Variants in CUX1 observed in about 807,000 individuals in gnomAD.
CUX1 encodes the protein cut like homeobox 1.
CUX1 carries 31 observed loss-of-function variants against 158.8 expected under a neutral mutation model. That is an observed-to-expected ratio of 0.20 (90% CI 0.15 to 0.26). CUX1 has a LOEUF of 0.26. CUX1 is among the 10% of genes least tolerant of loss of function. The pLI is 1.00. For synonymous variants in CUX1, 879 were observed against 862.1 expected, an observed-to-expected ratio of 1.02 and a Z score of -0.34; for missense variants, 1,589 against 2,014.6, an observed-to-expected ratio of 0.79 and a Z score of 4.04.
At chr7:102,229,249 CTG>C (rs1254654855) in intron 21 of CUX1, among the ~76,000 whole-genome samples, 1 of 151,736 alleles carries the variant, frequency 6.6e-6, no homozygotes, top group Non-Finnish European at 1.5e-5. Flanking sequence ...TGTCTGTGCT[CTG>C]TGTCACTGGT....
intron 2 of CUX1, among the ~76,000 whole-genome samples, chr7:101,955,040 G>A (rs1809587877): frequency 6.6e-6 from 1 of 152,030 alleles, no homozygotes; most frequent in Non-Finnish European, 1.5e-5. Context: ...GCCTGGTGGT[G>A]CACACCTGTA....
Position 102,216,686 on chromosome 7 carries a change from C to CA in CUX1, c.3131-10681_3131-10680insA, listed in dbSNP as rs1554524910. Among the ~76,000 whole-genome samples, 18 of 32,472 alleles carry CA rather than the reference C, an allele frequency of 5.5e-4. No homozygotes were observed. The East Asian group carries it at 0.046, about 83-fold the overall frequency. The allele number at this position is 32,472 out of a possible 152,430, so 21.3% of individuals were successfully genotyped here. On this transcript the variant is annotated intron_variant, in intron 20 of 23. Coordinates refer to ENST00000292535, the MANE Select transcript of CUX1 (RefSeq NM_181552.4). ...ACACACACTCACACACACACACTCC[C>CA]CCACACACACTCCCACACGCACTCT...
intron 2 of CUX1, among the ~76,000 whole-genome samples, chr7:101,973,216 G>A (rs915023435): frequency 2.0e-5 from 3 of 152,234 alleles, no homozygotes; most frequent in African/African-American, 7.2e-5. Flanking sequence ...GATTTTTCTT[G>A]TAGATTTTGC....
intron 4 of CUX1, among the ~76,000 whole-genome samples, chr7:102,073,161 C>CTTTCT (rs1826325117): frequency 2.1e-5 from 1 of 47,082 alleles, no homozygotes; most frequent in South Asian, 7.2e-4. Flanking sequence ...AATCTCTTTT[C>CTTTCT]TTTCTTTTTT....
At chr7:102,203,036 G>A (rs1226878934) in intron 18 of CUX1, among the ~76,000 whole-genome samples, 1 of 151,960 alleles carries the variant, frequency 6.6e-6, no homozygotes, top group African/African-American at 2.4e-5. Context: ...ACGCTATCTC[G>A]GCTCACTGCA....
chr7:102,200,582 C>G (rs2132021517), intron 17 of CUX1, among the ~76,000 whole-genome samples: 1 of 152,242 alleles, frequency 6.6e-6, no homozygotes, highest in South Asian at 2.1e-4. Flanking sequence ...CTCCAGTGAT[C>G]CTCCCACCTC....
At position 101,932,607 on chromosome 7, in the gene CUX1, G is replaced by A. The variant is rs1290783811; in HGVS notation, c.141+16382G>A. On this transcript the variant is annotated intron_variant, in intron 2 of 23. Transcript: ENST00000292535. ...AAATGAAGATTTCGGCCTGGTTGAT[G>A]TGTGCTCGGGGAAAGGTGATAGCTT... 1.8e-5 allele frequency: 8 copies of A among 455,646 alleles called. No homozygotes were observed. The Middle Eastern group carries it at 2.3e-3, about 129-fold the overall frequency. The allele number at this position is 455,646 out of a possible 1,614,324, so 28.2% of individuals were successfully genotyped here.
At chr7:101,844,435 G>A (rs1375437558) in intron 1 of CUX1, among the ~76,000 whole-genome samples, 3 of 152,098 alleles carry the variant, frequency 2.0e-5, no homozygotes, top group Non-Finnish European at 4.4e-5. Context: ...ATGTAAAATT[G>A]TAGGTCAAAA....
At chr7:102,272,388 C>A (rs987398590) in intron 14 of CUX1, among the ~76,000 whole-genome samples, 1 of 152,264 alleles carries the variant, frequency 6.6e-6, no homozygotes, top group South Asian at 2.1e-4. Flanking sequence ...TTGTGCATTT[C>A]TGAGGCCACA....
intron 4 of CUX1, among the ~76,000 whole-genome samples, chr7:102,085,437 G>C (rs1393335251): frequency 3.9e-5 from 6 of 152,116 alleles, no homozygotes; most frequent in Admixed American, 3.3e-4. Context: ...TGAATCATGG[G>C]GGTGGTTATC....
At chr7:102,016,042 T>C (rs1290124865) in intron 2 of CUX1, among the ~76,000 whole-genome samples, 1 of 152,066 alleles carries the variant, frequency 6.6e-6, no homozygotes, top group East Asian at 1.9e-4. Flanking sequence ...CTCGACCTCC[T>C]AGGCTCAAGC....
chr7:102,084,718 C>T lies in CUX1; in HGVS notation c.269-12646C>T, dbSNP rs1167350382. ...GATTACAGGTGTGAGCCAACGCACC[C>T]GGCCACAATATATACTTTATTGATG... On this transcript the variant is annotated intron_variant, in intron 4 of 23. Transcript: ENST00000292535. Among the ~76,000 whole-genome samples the T allele has an allele frequency of 1.7e-5, 2 of 117,142 alleles. 1 individual carries two copies. Among genetic ancestry groups the T allele is most frequent in the Non-Finnish European group, 4.4e-5 (2 of 45,738 alleles). The allele number at this position is 117,142 out of a possible 152,430, so 76.8% of individuals were successfully genotyped here. A position where few individuals can be genotyped will look rare whatever the true frequency, so the allele number is the denominator to read the frequency against.
rs1791950235 is a variant in CUX1, at chr7:102,280,121, G to A, written c.1764+1G>A. 4 of 1,604,794 alleles carry A rather than the reference G, an allele frequency of 2.5e-6. No homozygotes were observed. The highest frequency in any genetic ancestry group is 2.6e-6 in the Non-Finnish European group (3 of 1,175,140). On this transcript the variant is annotated splice_donor_variant, in intron 19 of 22. Transcript: ENST00000292538. LOFTEE classifies it high-confidence loss of function. ...CCCCTTCTCCTCCTTCAGCAAGCGG[G>A]TTCGTGAGCCCAGCCTGGGCAGGGG...
intron 2 of CUX1, among the ~76,000 whole-genome samples, chr7:101,984,123 TATATATACACAC>T (rs1370823727): frequency 1.9e-4 from 8 of 42,062 alleles, no homozygotes; most frequent in African/African-American, 5.9e-4. Flanking sequence ...TATATATATA[TATATATACACAC>T]ACACATATAT....
chr7:102,008,414 C>T (rs1211485609), intron 2 of CUX1, among the ~76,000 whole-genome samples: 1 of 152,050 alleles, frequency 6.6e-6, no homozygotes, highest in Admixed American at 6.6e-5. Flanking sequence ...TGCCCCCAGC[C>T]CAGCAAAGAG....
chr7:101,916,353 C>A lies in CUX1; in HGVS notation c.141+128C>A. On this transcript the variant is annotated intron_variant, in intron 2 of 23. Coordinates refer to ENST00000292535, the MANE Select transcript of CUX1 (RefSeq NM_181552.4). This position sits in a 1 kb window ranked among gnomAD's most constrained non-coding sequence, Gnocchi z 4.4. ...CGGCCGGCAAACAACCCGTTTCTTT[C>A]CCCAGATGTCTTCAGCCCCATTTCC... 1.6e-6 allele frequency: 1 copy of A among 632,290 alleles called. No individual in the cohort carries two copies. Among genetic ancestry groups the A allele is most frequent in the African/African-American group, 1.8e-5 (1 of 55,424 alleles). 39.2% of individuals were successfully genotyped at this position (632,290 alleles called of 1,614,324 possible). A position where few individuals can be genotyped will look rare whatever the true frequency, so the allele number is the denominator to read the frequency against.
chr7:102,255,711 G>A lies in CUX1; in HGVS notation c.*6669G>A, dbSNP rs1051529447. 2.4e-4 allele frequency: 233 copies of A among 985,264 alleles called. No homozygotes were observed. Among genetic ancestry groups the A allele is most frequent in the Non-Finnish European group, 2.2e-4 (184 of 829,920 alleles). 61.0% of individuals were successfully genotyped at this position (985,264 alleles called of 1,614,324 possible). On this transcript the variant is annotated 3_prime_UTR_variant, in exon 24 of 24. Transcript: ENST00000292535. ...AATTAATCAGAAGCACAGTGTGTAC[G>A]GAAGCATTGGGACTTCTGCTGGTGA...
At position 102,178,720 on chromosome 7, in the gene CUX1, GCA is replaced by G. The variant is rs367855982; in HGVS notation, c.1017+73_1017+74del. On this transcript the variant is annotated intron_variant, in intron 11 of 23. Transcript: ENST00000292535. ...GCAGGGCGGATGGCTGGACACACGC[GCA>G]CACACACACCCTCTGCCTTTCTGGA... 10 of 1,452,930 alleles carry G rather than the reference GCA, an allele frequency of 6.9e-6. No individual in the cohort carries two copies. In the East Asian group the frequency reaches 9.9e-5, roughly 14 times the overall value. 90.0% of individuals were successfully genotyped at this position (1,452,930 alleles called of 1,614,324 possible). A position where few individuals can be genotyped will look rare whatever the true frequency, so the allele number is the denominator to read the frequency against.
intron 9 of CUX1, among the ~76,000 whole-genome samples, chr7:102,164,408 G>A (rs948516563): frequency 3.3e-5 from 5 of 152,246 alleles, no homozygotes; most frequent in African/African-American, 7.2e-5. Flanking sequence ...GGGCTTTGAC[G>A]CACAGGCTGG....
Sources: gnomAD v4.1 joint callset for allele counts (sites outside exome capture counted in the v4.1 genomes callset) on GRCh38, gnomAD v4.1.1 for gene constraint, Gnocchi (gnomAD v3.1) non-coding constraint, MANE v1.5 for transcripts, NCBI Gene and HGNC (gene_info 2026-07-23, HGNC 2026-07-21) for gene names.